AAK1: variants seen among roughly 807,000 people sequenced by gnomAD.
AAK1 encodes AP2-associated protein kinase 1.
A neutral mutation model predicts 116.0 loss-of-function variants in AAK1; 37 were observed. The ratio of observed to expected loss-of-function variants is 0.32; its 90% CI spans 0.25 to 0.42. The LOEUF is 0.42. AAK1 is among the 10% of genes least tolerant of loss of function. The pLI is 1.00. For synonymous variants in AAK1, 458 were observed against 439.9 expected, an observed-to-expected ratio of 1.04 and a Z score of -0.51; for missense variants, 919 against 1,170.6, an observed-to-expected ratio of 0.79 and a Z score of 3.14.
intron 2 of AAK1, among the ~76,000 whole-genome samples, chr2:69,608,936 G>A (rs960768162): frequency 2.0e-5 from 3 of 152,152 alleles, no homozygotes; most frequent in African/African-American, 4.8e-5. Flanking sequence ...CTTGTACACC[G>A]AAAATGATAA....
At chr2:69,609,158 T>TC (rs1673945863) in intron 2 of AAK1, among the ~76,000 whole-genome samples, 1 of 151,944 alleles carries the variant, frequency 6.6e-6, no homozygotes, top group South Asian at 2.1e-4. Flanking sequence ...GGTCAGGAGT[T>TC]CAAGGCCAGC....
At chr2:69,626,658 C>G (rs1573021466) in intron 2 of AAK1, among the ~76,000 whole-genome samples, 1 of 144,802 alleles carries the variant, frequency 6.9e-6, no homozygotes, top group Non-Finnish European at 1.5e-5. Flanking sequence ...TTCCACCATG[C>G]CTGGCTTTTT....
chr2:69,559,215 T>C (rs1671522604), intron 2 of AAK1, among the ~76,000 whole-genome samples: 1 of 151,932 alleles, frequency 6.6e-6, no homozygotes, highest in Non-Finnish European at 1.5e-5. Context: ...TTTTCCATTT[T>C]CAAAAGTAGC....
rs543863010 is a variant in AAK1 at position 69,568,964 on chromosome 2, ATTTCACTGAGTCT to A, written c.164-11999_164-11987del. On this transcript the variant is annotated intron_variant, in intron 2 of 21. Transcript: ENST00000409085. ...CCCAACTCCCACCATTGCCAAGTTG[ATTTCACTGAGTCT>A]TAAGAATTCTATCCCCAAACCCAGA... 1.2e-4 allele frequency among the ~76,000 whole-genome samples: 19 copies of A among 152,172 alleles called. No individual in the cohort carries two copies. In the East Asian group the frequency reaches 3.5e-3, roughly 28 times the overall value.
intron 2 of AAK1, among the ~76,000 whole-genome samples, chr2:69,601,474 GAT>G (rs1330285155): frequency 6.6e-6 from 1 of 152,224 alleles, no homozygotes; most frequent in Non-Finnish European, 1.5e-5. Context: ...AAGAGCCAAA[GAT>G]AGAACAGAGC....
At chr2:69,547,648 A>G (rs1253232579) in intron 3 of AAK1, among the ~76,000 whole-genome samples, 1 of 152,230 alleles carries the variant, frequency 6.6e-6, no homozygotes, top group Non-Finnish European at 1.5e-5. Context: ...GAATCCTTGT[A>G]TATTACTAGT....
rs917355573 is a variant in AAK1, at chr2:69,461,987, G to C, written c.*13882C>G. On this transcript the variant is annotated 3_prime_UTR_variant, in exon 22 of 22. Transcript: ENST00000409085. Reference sequence around the variant, plus strand: ...ATGATTTTATCCTGATTTGCACCTTGAGAATTAAAATAGTCACTTGATTAG... The same window carrying C: ...ATGATTTTATCCTGATTTGCACCTTCAGAATTAAAATAGTCACTTGATTAG... 25 of 152,854 alleles carry C rather than the reference G, an allele frequency of 1.6e-4. No individual in the cohort carries two copies. Among genetic ancestry groups the C allele is most frequent in the African/African-American group, 5.6e-4 (23 of 41,356 alleles). 9.5% of individuals were successfully genotyped at this position (152,854 alleles called of 1,614,324 possible).
intron 2 of AAK1, among the ~76,000 whole-genome samples, chr2:69,579,659 C>T (rs917965470): frequency 6.6e-6 from 1 of 152,160 alleles, no homozygotes; most frequent in Non-Finnish European, 1.5e-5. Flanking sequence ...TCAGTATTTC[C>T]CCTACATCTC....
At chr2:69,620,326 A>G (rs1409164952) in intron 2 of AAK1, among the ~76,000 whole-genome samples, 2 of 152,068 alleles carry the variant, frequency 1.3e-5, no homozygotes, top group Non-Finnish European at 2.9e-5. Flanking sequence ...CTCCATGAGG[A>G]ACTGCCCTCT....
intron 6 of AAK1, 50 bp downstream of exon 6, chr2:69,531,991 G>C: frequency 6.2e-7 from 1 of 1,606,024 alleles, no homozygotes; most frequent in Non-Finnish European, 8.5e-7. Context: ...TGAAGGTAAA[G>C]TTGCTCATCT....
intron 19 of AAK1, 130 bp downstream of exon 19, chr2:69,480,728 CAG>C (rs1407970995): frequency 1.9e-5 from 12 of 645,628 alleles, no homozygotes; most frequent in African/African-American, 3.7e-5. Context: ...TGTGACAATT[CAG>C]AGTGTCCATT....
chr2:69,624,536 T>C (rs893635194), intron 2 of AAK1, among the ~76,000 whole-genome samples: 19 of 152,258 alleles, frequency 1.2e-4, no homozygotes, highest in African/African-American at 3.4e-4. Context: ...TATGGGACTA[T>C]GGGTAACACT....
chr2:69,511,273 T>C (rs1676384846), intron 13 of AAK1, among the ~76,000 whole-genome samples: 1 of 152,228 alleles, frequency 6.6e-6, no homozygotes, highest in South Asian at 2.1e-4. Flanking sequence ...AGGATGCTTC[T>C]AGCTTGGGAT....
chr2:69,567,942 C>A (rs1364963117), intron 2 of AAK1, among the ~76,000 whole-genome samples: 2 of 152,230 alleles, frequency 1.3e-5, no homozygotes, highest in African/African-American at 4.8e-5. Flanking sequence ...GATCCTGAAG[C>A]ATCCCTTGCC....
At chr2:69,553,444 T>G (rs1316042855) in intron 3 of AAK1, among the ~76,000 whole-genome samples, 1 of 135,394 alleles carries the variant, frequency 7.4e-6, no homozygotes, top group Non-Finnish European at 1.6e-5. Context: ...GTTGTTTTTT[T>G]TTTTTTTTTT....
Position 69,523,534 on chromosome 2 carries a change from C to T in AAK1, c.1055+1499G>A, listed in dbSNP as rs1330611718. Among the ~76,000 whole-genome samples the T allele has an allele frequency of 5.3e-5, 8 of 152,182 alleles. No individual in the cohort carries two copies. The East Asian group carries it at 1.2e-3, about 22-fold the overall frequency. Reference sequence around the variant, plus strand: ...ATTCCCATCCAGGGTACTTTGTTGACGCAGTTTGCTGCTAGCACTTACTCG... The same window carrying T: ...ATTCCCATCCAGGGTACTTTGTTGATGCAGTTTGCTGCTAGCACTTACTCG... On this transcript the variant is annotated intron_variant, in intron 10 of 21. Transcript: ENST00000409085.
At chr2:69,501,709 G>A (rs1187041820) in intron 16 of AAK1, among the ~76,000 whole-genome samples, 2 of 152,184 alleles carry the variant, frequency 1.3e-5, no homozygotes, top group South Asian at 2.1e-4. Context: ...GGTGGCTCAC[G>A]CCTGTAATCC....
intron 2 of AAK1, among the ~76,000 whole-genome samples, chr2:69,587,906 C>A (rs185876185): frequency 6.6e-6 from 1 of 152,106 alleles, no homozygotes; most frequent in Admixed American, 6.6e-5. Context: ...AGCCACCATG[C>A]CAGGCCTCAT....
Position 69,577,124 on chromosome 2 carries a change from G to A in AAK1, c.164-20146C>T, listed in dbSNP as rs144537218. Among the ~76,000 whole-genome samples the A allele has an allele frequency of 2.2e-3, 334 of 152,316 alleles. 3 individuals are homozygous for A. Among genetic ancestry groups the A allele is most frequent in the South Asian group, 0.014 (67 of 4,828 alleles). On this transcript the variant is annotated intron_variant, in intron 2 of 21. Coordinates refer to ENST00000409085, the MANE Select transcript of AAK1 (RefSeq NM_014911.5). ...CGAGTACTATTACACCAGTCTTGCC[G>A]ACGGGGAACCAACTGCAGGTTCACT...
Sources: gnomAD v4.1 joint callset for allele counts (sites outside exome capture counted in the v4.1 genomes callset) on GRCh38, gnomAD v4.1.1 for gene constraint, MANE v1.5 for transcripts, NCBI Gene and HGNC (gene_info 2026-07-23, HGNC 2026-07-21) for gene names.